The following FAM177A1 variants were observed in gnomAD, a reference collection of about 807,000 sequenced individuals.
FAM177A1 encodes the protein family with sequence similarity 177 member A1.
A neutral mutation model predicts 26.1 loss-of-function variants in FAM177A1; 22 were observed. The observed-to-expected ratio is 0.84, with a 90% CI of 0.60 to 1.20. FAM177A1 has a LOEUF of 1.20. FAM177A1 is among the 50% of genes most tolerant of loss of function. FAM177A1 has a pLI of 0.00. For missense variants in FAM177A1, 296 were observed against 291.1 expected (o/e 1.02, Z -0.12); for synonymous variants, 95 against 99.3 (o/e 0.96, Z 0.26).
At chr14:35,080,912 CTTTTTTTTTT>C in intron 4 of FAM177A1, 100 bp from the exon 5 acceptor site, 2 of 1,079,452 alleles carry the variant, frequency 1.9e-6, no homozygotes, top group Non-Finnish European at 1.2e-6. Flanking sequence ...GAACATGACA[CTTTTTTTTTT>C]TTTTTTTTTT....
intron 2 of FAM177A1, among the ~76,000 whole-genome samples, chr14:35,072,362 A>G (rs1296007286): frequency 6.6e-6 from 1 of 152,184 alleles, no homozygotes; most frequent in Non-Finnish European, 1.5e-5. Flanking sequence ...GAAGTGGATC[A>G]TCATCATAAG....
chr14:35,077,776 C>T (rs999043763), intron 3 of FAM177A1, among the ~76,000 whole-genome samples: 1 of 152,166 alleles, frequency 6.6e-6, no homozygotes, highest in Non-Finnish European at 1.5e-5. Context: ...GCCACCGCGC[C>T]CGGCCTCAAG....
At chr14:35,069,626 C>G (rs1422170405) in intron 2 of FAM177A1, among the ~76,000 whole-genome samples, 1 of 152,062 alleles carries the variant, frequency 6.6e-6, no homozygotes, top group African/African-American at 2.4e-5. Context: ...AACCTGGCTT[C>G]ACTTAATGTT....
intron 1 of FAM177A1, among the ~76,000 whole-genome samples, chr14:35,051,476 G>A (rs570157923): frequency 1.3e-5 from 2 of 152,204 alleles, no homozygotes; most frequent in South Asian, 2.1e-4. Flanking sequence ...GCAGTGGTGC[G>A]ATCTCGGCTC....
chr14:35,062,549 C>T (rs1168287414), intron 2 of FAM177A1, among the ~76,000 whole-genome samples: 1 of 152,086 alleles, frequency 6.6e-6, no homozygotes, highest in Non-Finnish European at 1.5e-5. Flanking sequence ...GTTAAAGTTC[C>T]ATGATTACAA....
intron 3 of FAM177A1, among the ~76,000 whole-genome samples, chr14:35,077,783 C>T (rs1178778189): frequency 6.6e-6 from 1 of 152,112 alleles, no homozygotes; most frequent in Non-Finnish European, 1.5e-5. Flanking sequence ...CGCCCGGCCT[C>T]AAGTTCTTAA....
At position 35,067,984 on chromosome 14, in the gene FAM177A1, C is replaced by T. The variant is rs148716226; in HGVS notation, c.340-9166C>T. On this transcript the variant is annotated intron_variant, in intron 2 of 4. Transcript: ENST00000280987. Reference sequence around the variant, plus strand: ...TCCCAATCCATGGGTTGTCACTTCACTGTGTTGATTGTTTCTTTTACTGTG... The same window carrying T: ...TCCCAATCCATGGGTTGTCACTTCATTGTGTTGATTGTTTCTTTTACTGTG... Among the ~76,000 whole-genome samples, 649 of 152,248 alleles carry T rather than the reference C, an allele frequency of 4.3e-3. 3 individuals are homozygous for T. Among genetic ancestry groups the T allele is most frequent in the Middle Eastern group, 0.01 (3 of 294 alleles).
chr14:35,048,903 T>TG, intron 1 of FAM177A1, among the ~76,000 whole-genome samples: 1 of 151,858 alleles, frequency 6.6e-6, no homozygotes, highest in East Asian at 1.9e-4. Context: ...TTTTTTTTTT[T>TG]TTTTTAAGAC....
At chr14:35,060,754 C>G (rs1490557391) in intron 2 of FAM177A1, among the ~76,000 whole-genome samples, 11 of 152,042 alleles carry the variant, frequency 7.2e-5, no homozygotes, top group Admixed American at 7.2e-4. Context: ...AGTAGTCCCC[C>G]CTTTATTTGT....
intron 2 of FAM177A1, among the ~76,000 whole-genome samples, chr14:35,064,034 C>T (rs567676072): frequency 2.3e-5 from 3 of 131,494 alleles, no homozygotes; most frequent in East Asian, 4.4e-4. Flanking sequence ...AACCACAGAG[C>T]GAGACTCTGT....
chr14:35,070,137 A>AGGG, intron 2 of FAM177A1, among the ~76,000 whole-genome samples: 1 of 130,938 alleles, frequency 7.6e-6, no homozygotes, highest in Non-Finnish European at 1.6e-5. Context: ...AAAAAAAAAA[A>AGGG]AAAAAAAAAA....
intron 4 of FAM177A1, 30 bp from the exon 5 acceptor site, chr14:35,080,992 A>G (rs766498033): frequency 1.3e-6 from 2 of 1,570,202 alleles, no homozygotes; most frequent in Non-Finnish European, 1.7e-6. Context: ...TCGTATTTCA[A>G]CTATTCTTGA....
chr14:35,059,650 C>T (rs1309583216), intron 2 of FAM177A1, among the ~76,000 whole-genome samples: 2 of 151,172 alleles, frequency 1.3e-5, no homozygotes, highest in Non-Finnish European at 2.9e-5. Context: ...TCTCCTGCCT[C>T]AGCCTCCCGA....
chr14:35,081,072 A>G lies in FAM177A1; in HGVS notation c.555A>G (p.Gln185=), dbSNP rs144487377. Reference sequence around the variant, plus strand: ...GGATGTCTGAAGAAGCAGAAAAACAATATCAACAGAATAAATTGCAGACTG... The same window carrying G: ...GGATGTCTGAAGAAGCAGAAAAACAGTATCAACAGAATAAATTGCAGACTG... ...ENRMSEEAEK[Q]YQQNKLQTDS... Residue 185 remains glutamine (Q), a synonymous_variant, in exon 5 of 5, where the codon CAA becomes CAG. Coordinates refer to ENST00000280987, the MANE Select transcript of FAM177A1 (RefSeq NM_173607.5). 8.4e-5 allele frequency: 136 copies of G among 1,613,148 alleles called. No individual in the cohort carries two copies. The highest frequency in any genetic ancestry group is 1.1e-4 in the Non-Finnish European group (125 of 1,179,674).
At chr14:35,047,456 A>G (rs1341054921) in intron 1 of FAM177A1, among the ~76,000 whole-genome samples, 2 of 152,172 alleles carry the variant, frequency 1.3e-5, no homozygotes, top group African/African-American at 4.8e-5. Context: ...GCGCTGGTTT[A>G]GAGAGTTAAC....
At position 35,046,648 on chromosome 14, in the gene FAM177A1, C is replaced by T; in HGVS notation, c.165+20C>T. The T allele has an allele frequency of 3.9e-6, 6 of 1,522,070 alleles. No homozygotes were observed. The highest frequency in any genetic ancestry group is 5.3e-6 in the Non-Finnish European group (6 of 1,130,874). 94.3% of individuals were successfully genotyped at this position (1,522,070 alleles called of 1,614,324 possible). A position where few individuals can be genotyped will look rare whatever the true frequency, so the allele number is the denominator to read the frequency against. The stretch of plus-strand genomic sequence containing the variant: ...GGGCAGGTAGGTGGGGCCGCCGAGG[C>T]TGACGTCCGGGGAGCCGAGCCGCCT... On this transcript the variant is annotated intron_variant, in intron 1 of 4. Transcript: ENST00000280987.
intron 1 of FAM177A1, chr14:35,047,141 C>A: frequency 5.3e-6 from 2 of 380,738 alleles, no homozygotes; most frequent in Non-Finnish European, 7.2e-6. Flanking sequence ...CTGCGCTGTC[C>A]AACATAAATA....
chr14:35,049,570 G>A (rs966278288), intron 1 of FAM177A1, among the ~76,000 whole-genome samples: 4 of 152,142 alleles, frequency 2.6e-5, no homozygotes, highest in Non-Finnish European at 5.9e-5. Flanking sequence ...GATCACTTGA[G>A]GTCAGGAGTT....
chr14:35,073,403 A>G (rs908442734), intron 2 of FAM177A1, among the ~76,000 whole-genome samples: 2 of 152,126 alleles, frequency 1.3e-5, no homozygotes, highest in African/African-American at 4.8e-5. Flanking sequence ...AATGCTTTCC[A>G]TAGAGTACTG....
Sources: gnomAD v4.1 joint callset for allele counts (sites outside exome capture counted in the v4.1 genomes callset) on GRCh38, gnomAD v4.1.1 for gene constraint, MANE v1.5 for transcripts, NCBI Gene and HGNC (gene_info 2026-07-23, HGNC 2026-07-21) for gene names.